Variants in NGF observed in about 807,000 individuals in gnomAD.
The protein encoded by NGF is nerve growth factor, also known as beta-nerve growth factor.
NGF carries 4 observed loss-of-function variants against 12.8 expected under a neutral mutation model. That is an observed-to-expected ratio of 0.31 (90% CI 0.15 to 0.72). NGF has a LOEUF of 0.72. Ranked by LOEUF, NGF falls within the 30% of genes least tolerant of loss-of-function variation. The pLI is 0.69. For synonymous variants in NGF, 140 were observed against 130.0 expected, an observed-to-expected ratio of 1.08 and a Z score of -0.52; for missense variants, 283 against 330.8, an observed-to-expected ratio of 0.86 and a Z score of 1.12.
Position 115,286,239 on chromosome 1 carries a change from T to G in NGF, c.557A>C (p.Asp186Ala). Residue 186 changes from aspartate to alanine, a missense_variant, in exon 3 of 3, where the codon GAC becomes GCC. Coordinates refer to ENST00000369512, the MANE Select transcript of NGF (RefSeq NM_002506.3). ...TGAGTCAATGCCCCGGCACCCGCTGTCAACGGGATTTGGGTCCCGGCACTT... is the reference window on the plus strand; with the variant it reads ...TGAGTCAATGCCCCGGCACCCGCTGGCAACGGGATTTGGGTCCCGGCACTT... ...ETKCRDPNPV[D>A]SGCRGIDSKH... 1 of 1,614,212 alleles carries G rather than the reference T, an allele frequency of 6.2e-7. No individual in the cohort carries two copies. Among genetic ancestry groups the G allele is most frequent in the Non-Finnish European group, 8.5e-7 (1 of 1,180,042 alleles).
rs1474598889 is a variant in NGF at position 115,286,804 on chromosome 1, G to A, written c.-9C>T. 6.2e-7 allele frequency: 1 copy of A among 1,614,098 alleles called. No homozygotes were observed. The highest frequency in any genetic ancestry group is 8.5e-7 in the Non-Finnish European group (1 of 1,180,030). On this transcript the variant is annotated 5_prime_UTR_variant, in exon 3 of 3. Coordinates refer to ENST00000369512, the MANE Select transcript of NGF (RefSeq NM_002506.3). ...TAGAACAACATGGACATTACGCTATGCACCTGGAATGAAAAAGAAATGAGG... is the reference window on the plus strand; with the variant it reads ...TAGAACAACATGGACATTACGCTATACACCTGGAATGAAAAAGAAATGAGG...
rs570176859 is a variant in NGF at position 115,326,837 on chromosome 1, G to T, written c.-137+11367C>A. Reference sequence around the variant, plus strand: ...CAGGTTTTCCCATCTTACCTTCTGTGTCTACAACCAAGATGTTTCCCCATC... The same window carrying T: ...CAGGTTTTCCCATCTTACCTTCTGTTTCTACAACCAAGATGTTTCCCCATC... On this transcript the variant is annotated intron_variant, in intron 1 of 2. Coordinates refer to ENST00000369512, the MANE Select transcript of NGF (RefSeq NM_002506.3). Among the ~76,000 whole-genome samples, 3 of 152,240 alleles carry T rather than the reference G, an allele frequency of 2.0e-5. No individual in the cohort carries two copies. In the South Asian group the frequency reaches 6.2e-4, roughly 32 times the overall value.
chr1:115,295,207 G>A (rs935811262), intron 1 of NGF, among the ~76,000 whole-genome samples: 1 of 152,146 alleles, frequency 6.6e-6, no homozygotes, highest in African/African-American at 2.4e-5. Context: ...GGAGAATGGG[G>A]AGGTAGCAAG....
intron 1 of NGF, among the ~76,000 whole-genome samples, chr1:115,295,868 T>C (rs1653851238): frequency 6.6e-6 from 1 of 152,162 alleles, no homozygotes; most frequent in African/African-American, 2.4e-5. Context: ...GCAGGTCCTG[T>C]GCTGGCCACT....
Position 115,334,310 on chromosome 1 carries a change from A to G in NGF, c.-137+3894T>C, listed in dbSNP as rs112754971. 4.7e-4 allele frequency among the ~76,000 whole-genome samples: 71 copies of G among 152,288 alleles called. 4 individuals carry two copies. Among genetic ancestry groups the G allele is most frequent in the African/African-American group, 1.6e-3 (68 of 41,564 alleles). ...TGCCAGAGTGTGATCCACTTAGCAAAGGAGGGAAGGATTTCCTCCCAGTGC... is the reference window on the plus strand; with the variant it reads ...TGCCAGAGTGTGATCCACTTAGCAAGGGAGGGAAGGATTTCCTCCCAGTGC... On this transcript the variant is annotated intron_variant, in intron 1 of 2. Coordinates refer to ENST00000369512, the MANE Select transcript of NGF (RefSeq NM_002506.3).
At chr1:115,329,558 T>C (rs188894303) in intron 1 of NGF, among the ~76,000 whole-genome samples, 2 of 152,280 alleles carry the variant, frequency 1.3e-5, no homozygotes, top group East Asian at 3.9e-4. Flanking sequence ...AGTTTGCATA[T>C]ATATGTATAT....
intron 1 of NGF, among the ~76,000 whole-genome samples, chr1:115,320,479 C>T (rs1304457162): frequency 6.6e-6 from 1 of 152,006 alleles, no homozygotes; most frequent in Non-Finnish European, 1.5e-5. Flanking sequence ...ACCAAACCAG[C>T]GACTAAGTGG....
intron 1 of NGF, among the ~76,000 whole-genome samples, chr1:115,322,055 C>T (rs1654645220): frequency 6.6e-6 from 1 of 152,296 alleles, no homozygotes; most frequent in East Asian, 1.9e-4. Context: ...GGAACACAGA[C>T]AAAATATCCT....
At chr1:115,337,356 C>G (rs1354821406) in intron 1 of NGF, among the ~76,000 whole-genome samples, 1 of 130,096 alleles carries the variant, frequency 7.7e-6, no homozygotes, top group Non-Finnish European at 1.6e-5. Flanking sequence ...TCTGCTGGCT[C>G]AAAGTTGCAG....
rs763390069 is a variant in NGF at position 115,286,087 on chromosome 1, C to A, written c.709G>T (p.Ala237Ser). 1 of 1,613,252 alleles carries A rather than the reference C, an allele frequency of 6.2e-7. No homozygotes were observed. Among genetic ancestry groups the A allele is most frequent in the Non-Finnish European group, 8.5e-7 (1 of 1,179,650 alleles). Residue 237 changes from alanine to serine, a missense_variant, in exon 3 of 3, where the codon GCT (alanine) becomes TCT (serine). This residue lies in a region of NGF where 132 missense variants were observed against 189.2 expected (regional missense o/e 0.70). Transcript: ENST00000369512. ...TCGGCAGGTCAGGCTCTTCTCACAG[C>A]CTTCCTGCTGAGCACACACACACAG... ...TACVCVLSRK[A>S]VRRA
intron 1 of NGF, among the ~76,000 whole-genome samples, chr1:115,320,724 G>A (rs1654601310): frequency 6.6e-6 from 1 of 152,350 alleles, no homozygotes; most frequent in African/African-American, 2.4e-5. Context: ...TGAAACTTTG[G>A]AAAGTGAAAC....
intron 1 of NGF, among the ~76,000 whole-genome samples, chr1:115,317,566 G>C (rs970129116): frequency 6.6e-6 from 1 of 152,224 alleles, no homozygotes; most frequent in Admixed American, 6.5e-5. Flanking sequence ...TGGAAAACAA[G>C]ATTCAGTCAA....
chr1:115,319,853 A>C lies in NGF; in HGVS notation c.-137+18351T>G, dbSNP rs1228833785. 3.3e-5 allele frequency among the ~76,000 whole-genome samples: 5 copies of C among 152,294 alleles called. No individual in the cohort carries two copies. The East Asian group carries it at 7.7e-4, about 24-fold the overall frequency. On this transcript the variant is annotated intron_variant, in intron 1 of 2. Coordinates refer to ENST00000369512, the MANE Select transcript of NGF (RefSeq NM_002506.3). ...CAGGCCCTGAATTCCTGAGGGGTCA[A>C]AGCCTGACTTGAGATCTGCCTGGCC...
At chr1:115,325,748 G>A (rs1654756272) in intron 1 of NGF, among the ~76,000 whole-genome samples, 1 of 152,054 alleles carries the variant, frequency 6.6e-6, no homozygotes, top group African/African-American at 2.4e-5. Flanking sequence ...GATTAAAGAG[G>A]GAGCAGTGGA....
At chr1:115,299,420 A>G (rs1277906814) in intron 1 of NGF, among the ~76,000 whole-genome samples, 1 of 152,168 alleles carries the variant, frequency 6.6e-6, no homozygotes, top group East Asian at 1.9e-4. Context: ...GGCACTTGCT[A>G]TGAATGAGAG....
rs1029478793 is a variant in NGF at position 115,332,207 on chromosome 1, G to C, written c.-137+5997C>G. 7.9e-5 allele frequency among the ~76,000 whole-genome samples: 12 copies of C among 152,198 alleles called. 2 individuals carry two copies. The highest frequency in any genetic ancestry group is 7.2e-4 in the Admixed American group (11 of 15,280). ...ATTCTCAAGAAATGCCTTATTTAGA[G>C]AGCATTGCATAACATTTCTGAAATA... On this transcript the variant is annotated intron_variant, in intron 1 of 2. Transcript: ENST00000369512.
intron 2 of NGF, 148 bp downstream of exon 2, chr1:115,293,479 T>C (rs904041812): frequency 6.6e-6 from 1 of 152,410 alleles, no homozygotes; most frequent in Admixed American, 6.5e-5. Flanking sequence ...GGGAGCTGCA[T>C]TTGCTGCACC....
intron 1 of NGF, among the ~76,000 whole-genome samples, chr1:115,337,257 T>TTTTGTTTTTG (rs1342592031): frequency 8.3e-6 from 1 of 120,564 alleles, no homozygotes; most frequent in South Asian, 2.7e-4. Flanking sequence ...ATTTTTTTTG[T>TTTTGTTTTTG]TTTGTTTTTG....
chr1:115,337,527 C>G (rs1461713274), intron 1 of NGF, among the ~76,000 whole-genome samples: 3 of 152,068 alleles, frequency 2.0e-5, no homozygotes, highest in Admixed American at 1.3e-4. Context: ...CCTTGGCGAC[C>G]TCTACCTGAG....
Sources: gnomAD v4.1 joint callset for allele counts (sites outside exome capture counted in the v4.1 genomes callset) on GRCh38, gnomAD v4.1.1 for gene constraint, gnomAD v4.1.1 regional missense constraint, MANE v1.5 for transcripts, NCBI Gene and HGNC (gene_info 2026-07-23, HGNC 2026-07-21) for gene names.